Variants in BMP2K observed in about 807,000 individuals in gnomAD.
The protein encoded by BMP2K is BMP2 inducible kinase.
A neutral mutation model predicts 116.0 loss-of-function variants in BMP2K; 74 were observed. The ratio of observed to expected loss-of-function variants is 0.64; its 90% CI spans 0.53 to 0.77. The LOEUF is 0.77. BMP2K is among the 30% of genes least tolerant of loss of function. The pLI, the probability that BMP2K is intolerant of heterozygous loss-of-function variation, is 0.00. For synonymous variants in BMP2K, 486 were observed against 502.5 expected (o/e 0.97, Z 0.44); for missense variants, 1,365 against 1,403.6 (o/e 0.97, Z 0.44).
chr4:78,777,912 A>G (rs2109910338), intron 1 of BMP2K, among the ~76,000 whole-genome samples: 1 of 152,380 alleles, frequency 6.6e-6, no homozygotes, highest in South Asian at 2.1e-4. Context: ...ATTGCTCAGA[A>G]TAATGATCTT....
chr4:78,791,827 A>G (rs145479525), intron 1 of BMP2K, among the ~76,000 whole-genome samples: 68 of 151,034 alleles, frequency 4.5e-4, no homozygotes, highest in Admixed American at 1.4e-3. Flanking sequence ...GTATGTATAT[A>G]TCACATTTTG....
chr4:78,780,470 T>C (rs954024096), intron 1 of BMP2K, among the ~76,000 whole-genome samples: 1 of 152,074 alleles, frequency 6.6e-6, no homozygotes, highest in African/African-American at 2.4e-5. Context: ...CAGTTCTCGT[T>C]GTTAATTTTT....
In BMP2K at chr4:78,817,295, G is replaced by GTCCA. The variant is rs1347149637; in HGVS notation, c.179-8741_179-8738dup. ...CAGACTCCACAGGTTAAGGGACATA[G>GTCCA]TCCAACAAGACTACCCCCACTTCAA... is the stretch of plus-strand genomic sequence containing the variant. On this transcript the variant is annotated intron_variant, in intron 1 of 15. Transcript: ENST00000502613. 2.6e-5 allele frequency among the ~76,000 whole-genome samples: 4 copies of GTCCA among 152,136 alleles called. No individual in the cohort carries two copies. The East Asian group carries it at 7.7e-4, about 29-fold the overall frequency.
intron 1 of BMP2K, among the ~76,000 whole-genome samples, chr4:78,816,955 T>A (rs1422093756): frequency 6.6e-6 from 1 of 152,190 alleles, no homozygotes; most frequent in African/African-American, 2.4e-5. Context: ...TGAAAGGAAG[T>A]CTAATTGTAT....
intron 1 of BMP2K, among the ~76,000 whole-genome samples, chr4:78,813,074 A>G (rs1729164755): frequency 6.6e-6 from 1 of 152,028 alleles, no homozygotes; most frequent in Admixed American, 6.6e-5. Flanking sequence ...ATGCAGAAAC[A>G]CATGAGACCC....
intron 1 of BMP2K, among the ~76,000 whole-genome samples, chr4:78,820,322 C>T (rs1235326999): frequency 6.6e-6 from 1 of 152,112 alleles, no homozygotes; most frequent in Non-Finnish European, 1.5e-5. Context: ...CCATTTTCTT[C>T]TTCTGGTAAC....
intron 1 of BMP2K, among the ~76,000 whole-genome samples, chr4:78,795,034 C>A (rs1014529358): frequency 6.6e-6 from 1 of 152,096 alleles, no homozygotes; most frequent in African/African-American, 2.4e-5. Context: ...CAGTTCTCAT[C>A]AAAAAAGACT....
At chr4:78,796,993 G>A (rs775731588) in intron 1 of BMP2K, among the ~76,000 whole-genome samples, 1 of 152,150 alleles carries the variant, frequency 6.6e-6, no homozygotes, top group South Asian at 2.1e-4. Context: ...TCAGCTTTAT[G>A]CATGGGAGTT....
intron 13 of BMP2K, among the ~76,000 whole-genome samples, chr4:78,877,229 T>C (rs1033624095): frequency 1.3e-5 from 2 of 152,044 alleles, no homozygotes; most frequent in Non-Finnish European, 2.9e-5. Flanking sequence ...TTATATAAAA[T>C]TTTTTTCTTC....
At chr4:78,872,040 C>A in intron 12 of BMP2K, 92 bp downstream of exon 12, 2 of 927,416 alleles carry the variant, frequency 2.2e-6, no homozygotes, top group Non-Finnish European at 3.2e-6. Context: ...TTTAGTAATT[C>A]AAAATCAAGT....
At chr4:78,859,561 A>G (rs1731667590) in intron 7 of BMP2K, 23 bp from the exon 8 acceptor site, 1 of 1,523,826 alleles carries the variant, frequency 6.6e-7, no homozygotes, top group Admixed American at 1.8e-5. Context: ...AAAACTTCTT[A>G]ACATTTTGAT....
chr4:78,910,077 A>G (rs1193214909), intron 15 of BMP2K, among the ~76,000 whole-genome samples: 1 of 152,232 alleles, frequency 6.6e-6, no homozygotes, highest in Non-Finnish European at 1.5e-5. Context: ...AGCTTTGGTG[A>G]GGCCATTCAT....
At position 78,871,012 on chromosome 4, in the gene BMP2K, C is replaced by CAG. The variant is rs1560538416; in HGVS notation, c.1461_1462insAG (p.His488SerfsTer33). On this transcript the variant is annotated frameshift_variant, in exon 11 of 16. Transcript: ENST00000502613. LOFTEE classifies it high-confidence loss of function. ...AGCAGCAGCAGCAGCAGCAGCAGCACCACCACCACCACCACCACCACCTAC... is the reference window on the plus strand; with the variant it reads ...AGCAGCAGCAGCAGCAGCAGCAGCACAGCACCACCACCACCACCACCACCTAC... 9 of 1,493,096 alleles carry CAG rather than the reference C, an allele frequency of 6.0e-6. No individual in the cohort carries two copies. The African/African-American group carries it at 7.3e-5, about 12-fold the overall frequency. 92.5% of individuals were successfully genotyped at this position (1,493,096 alleles called of 1,614,324 possible). A position where few individuals can be genotyped will look rare whatever the true frequency, so the allele number is the denominator to read the frequency against.
intron 3 of BMP2K, among the ~76,000 whole-genome samples, chr4:78,837,352 A>C (rs187002315): frequency 6.6e-6 from 1 of 151,540 alleles, no homozygotes; most frequent in Non-Finnish European, 1.5e-5. Context: ...GCACCACCAC[A>C]TCTGACTAAT....
chr4:78,853,735 C>T (rs1731370209), intron 7 of BMP2K, among the ~76,000 whole-genome samples: 1 of 152,164 alleles, frequency 6.6e-6, no homozygotes, highest in African/African-American at 2.4e-5. Context: ...TTATCTCAGT[C>T]TTCCCATTTC....
intron 1 of BMP2K, among the ~76,000 whole-genome samples, chr4:78,802,448 A>AT (rs1373941511): frequency 2.6e-5 from 4 of 152,226 alleles, no homozygotes; most frequent in Non-Finnish European, 2.9e-5. Context: ...TGCAATTTAA[A>AT]TTTTAACATA....
rs181909974 is a variant in BMP2K at position 78,883,421 on chromosome 4, T to A, written c.1952-3753T>A. Among the ~76,000 whole-genome samples, 4 of 152,316 alleles carry A rather than the reference T, an allele frequency of 2.6e-5. No individual in the cohort carries two copies. In the East Asian group the frequency reaches 7.7e-4, roughly 29 times the overall value. ...AACTTTAGAAACATAAATGATTTTT[T>A]AAAAATTCAATTGAAAACTTGATTC... On this transcript the variant is annotated intron_variant, in intron 14 of 15. Coordinates refer to ENST00000502613, the MANE Select transcript of BMP2K (RefSeq NM_198892.2).
At chr4:78,855,196 A>G (rs1228546343) in intron 7 of BMP2K, among the ~76,000 whole-genome samples, 2 of 152,170 alleles carry the variant, frequency 1.3e-5, no homozygotes, top group South Asian at 2.1e-4. Flanking sequence ...TAGGACATAT[A>G]GAGTAACATG....
rs1730812219 is a variant in BMP2K, at chr4:78,842,549, T to C, written c.546+22T>C. ...GAAGGTAAGAACTTTAGAATTCCTATGGATTAAGTAATAAGTTGGAGTTAA... is the reference window on the plus strand; with the variant it reads ...GAAGGTAAGAACTTTAGAATTCCTACGGATTAAGTAATAAGTTGGAGTTAA... On this transcript the variant is annotated intron_variant, in intron 4 of 15. Coordinates refer to ENST00000502613, the MANE Select transcript of BMP2K (RefSeq NM_198892.2). The C allele has an allele frequency of 3.3e-6, 5 of 1,533,372 alleles. No individual in the cohort carries two copies. In the Admixed American group the frequency reaches 5.4e-5, roughly 17 times the overall value. 95.0% of individuals were successfully genotyped at this position (1,533,372 alleles called of 1,614,324 possible).
Sources: gnomAD v4.1 joint callset for allele counts (sites outside exome capture counted in the v4.1 genomes callset) on GRCh38, gnomAD v4.1.1 for gene constraint, MANE v1.5 for transcripts, NCBI Gene and HGNC (gene_info 2026-07-23, HGNC 2026-07-21) for gene names.